Variants in DERA observed in about 807,000 individuals in gnomAD.
DERA encodes the protein 2-deoxy-D-ribose 5-phosphate aldolase.
Under a neutral mutation model 41.1 loss-of-function variants are expected in DERA, and 15 were observed. That is an observed-to-expected ratio of 0.37 (90% CI 0.24 to 0.56). The LOEUF is 0.56. Among genes scored for constraint, DERA ranks in the 20% least tolerant of loss-of-function variants. The probability of loss-of-function intolerance (pLI) is 0.81; values close to 1 mark genes in which losing one functional copy is unlikely to be tolerated. For missense variants in DERA, 396 were observed against 403.4 expected (o/e 0.98, Z 0.16); for synonymous variants, 139 against 137.4 (o/e 1.01, Z -0.08).
At chr12:16,016,203 C>G (rs1054187508) in intron 6 of DERA, among the ~76,000 whole-genome samples, 8 of 152,168 alleles carry the variant, frequency 5.3e-5, no homozygotes, top group African/African-American at 1.9e-4. Flanking sequence ...AACCATAACA[C>G]TGGATCTTTA....
rs1296334820 is a variant in DERA, at chr12:15,940,056, A to G, written c.32-16880A>G. On this transcript the variant is annotated intron_variant, in intron 1 of 8. Coordinates refer to ENST00000428559, the MANE Select transcript of DERA (RefSeq NM_015954.4). This position sits in a 1 kb window ranked among gnomAD's most constrained non-coding sequence, Gnocchi z 5.1. Reference sequence around the variant, plus strand: ...AATAAGAACATATTTTTACCATGATACTACAACAAAATTTGTATCCATGTT... The same window carrying G: ...AATAAGAACATATTTTTACCATGATGCTACAACAAAATTTGTATCCATGTT... Among the ~76,000 whole-genome samples, 1 of 152,234 alleles carries G rather than the reference A, an allele frequency of 6.6e-6. No individual in the cohort carries two copies. The highest frequency in any genetic ancestry group is 2.4e-5 in the African/African-American group (1 of 41,478).
Position 15,961,813 on chromosome 12 carries a change from G to A in DERA, c.374-1000G>A, listed in dbSNP as rs918977709. 3.9e-5 allele frequency among the ~76,000 whole-genome samples: 6 copies of A among 152,070 alleles called. No homozygotes were observed. The South Asian group carries it at 6.2e-4, about 16-fold the overall frequency. On this transcript the variant is annotated intron_variant, in intron 4 of 8. Transcript: ENST00000428559. ...GGCTGGAGTGCAGTGGCGCGATCTC[G>A]GCTCACTGCAGCCTCCGCCTCCTGA...
At chr12:15,939,745 T>C (rs1342794969) in intron 1 of DERA, among the ~76,000 whole-genome samples, 1 of 152,226 alleles carries the variant, frequency 6.6e-6, no homozygotes, top group African/African-American at 2.4e-5. Context: ...AGAATGGCTC[T>C]TAACTCTTCA....
chr12:15,916,129 A>T (rs1948196975), intron 1 of DERA: 1 of 152,228 alleles, frequency 6.6e-6, no homozygotes, highest in African/African-American at 2.4e-5. Context: ...TGTTTCAGAG[A>T]AGATGCAATT....
chr12:15,930,535 GATAA>G (rs1181222163), intron 1 of DERA, among the ~76,000 whole-genome samples: 13 of 152,112 alleles, frequency 8.5e-5, no homozygotes, highest in Admixed American at 7.9e-4. Context: ...GACTATTTTA[GATAA>G]ATAATCATAG....
chr12:16,016,145 A>G (rs944696459), intron 6 of DERA, among the ~76,000 whole-genome samples: 20 of 152,192 alleles, frequency 1.3e-4, no homozygotes, highest in African/African-American at 4.8e-4. Flanking sequence ...TCAAATTGAT[A>G]TCTCTAAAGG....
chr12:15,953,942 T>C (rs75335547), intron 1 of DERA, among the ~76,000 whole-genome samples: 3,191 of 152,244 alleles, frequency 0.021, 122 homozygotes, highest in African/African-American at 0.072. Context: ...ACATTAAATA[T>C]GGGGCTGGAT....
chr12:15,939,506 T>C (rs1948394299), intron 1 of DERA, among the ~76,000 whole-genome samples: 1 of 152,246 alleles, frequency 6.6e-6, no homozygotes, highest in Admixed American at 6.5e-5. Flanking sequence ...ATTTAATTTG[T>C]TCAAATCCAT....
intron 7 of DERA, 68 bp downstream of exon 7, chr12:16,032,722 A>G: frequency 2.1e-6 from 2 of 939,920 alleles, no homozygotes; most frequent in Non-Finnish European, 3.3e-6. Context: ...AGTTACAGCC[A>G]CAATAACTGT....
intron 6 of DERA, among the ~76,000 whole-genome samples, chr12:16,015,691 A>C (rs1408537770): frequency 6.6e-6 from 1 of 152,234 alleles, no homozygotes. Flanking sequence ...GACGGGTTAC[A>C]TCTTGTTGAT....
In DERA at chr12:15,918,343, C is replaced by T. The variant is rs1948216119; in HGVS notation, c.31+6929C>T. On this transcript the variant is annotated intron_variant, in intron 1 of 8. Coordinates refer to ENST00000428559, the MANE Select transcript of DERA (RefSeq NM_015954.4). This position sits in a 1 kb window ranked among gnomAD's most constrained non-coding sequence, Gnocchi z 4.3. Reference sequence around the variant, plus strand: ...CCTCCTTACCCTGCTTGCGCTTCCACTCCCTATGTCTTGCTCCCGCTTTGT... The same window carrying T: ...CCTCCTTACCCTGCTTGCGCTTCCATTCCCTATGTCTTGCTCCCGCTTTGT... Among the ~76,000 whole-genome samples the T allele has an allele frequency of 6.6e-6, 1 of 152,190 alleles. No individual in the cohort carries two copies. Among genetic ancestry groups the T allele is most frequent in the Non-Finnish European group, 1.5e-5 (1 of 68,034 alleles).
chr12:16,018,476 G>A (rs1592052976), intron 6 of DERA, among the ~76,000 whole-genome samples: 1 of 152,112 alleles, frequency 6.6e-6, no homozygotes, highest in African/African-American at 2.4e-5. Context: ...ATTTAGTAAT[G>A]AGTTGCTGAA....
intron 4 of DERA, 158 bp from the exon 5 acceptor site, chr12:15,962,655 T>C: frequency 1.8e-6 from 1 of 552,392 alleles, no homozygotes; most frequent in East Asian, 2.9e-5. Context: ...TGTTCTTAAG[T>C]GTCAGTGCAT....
chr12:15,945,477 A>G (rs993878051), intron 1 of DERA, among the ~76,000 whole-genome samples: 2 of 152,212 alleles, frequency 1.3e-5, no homozygotes, highest in Admixed American at 6.5e-5. Context: ...TAGGTATTTT[A>G]TGCTCTTTGA....
chr12:15,978,741 A>G (rs572890508), intron 5 of DERA, among the ~76,000 whole-genome samples: 1 of 152,172 alleles, frequency 6.6e-6, no homozygotes, highest in African/African-American at 2.4e-5. Flanking sequence ...AACATAGATC[A>G]TGGTGTCCTC....
intron 5 of DERA, among the ~76,000 whole-genome samples, chr12:15,968,118 T>C (rs1423424133): frequency 1.3e-5 from 2 of 151,918 alleles, no homozygotes; most frequent in Non-Finnish European, 2.9e-5. Flanking sequence ...TTCCAGTTCT[T>C]AGTTGCATAT....
intron 5 of DERA, among the ~76,000 whole-genome samples, chr12:15,968,809 C>T (rs1026145867): frequency 6.6e-6 from 1 of 152,210 alleles, no homozygotes; most frequent in African/African-American, 2.4e-5. Flanking sequence ...CTCTTTCTCC[C>T]TCCTCCTGCC....
In DERA at chr12:16,000,410, G is replaced by A. The variant is rs1278535461; in HGVS notation, c.637+17974G>A. On this transcript the variant is annotated intron_variant, in intron 6 of 8. Coordinates refer to ENST00000428559, the MANE Select transcript of DERA (RefSeq NM_015954.4). The surrounding 1 kb of genome is among the most constrained non-coding windows in gnomAD (Gnocchi z 4.8). Reference sequence around the variant, plus strand: ...AGAAAACATTAGCAAGATAACACATGTAAATCAAAATGCAGAACTAATACA... The same window carrying A: ...AGAAAACATTAGCAAGATAACACATATAAATCAAAATGCAGAACTAATACA... 1.3e-5 allele frequency among the ~76,000 whole-genome samples: 2 copies of A among 152,206 alleles called. No homozygotes were observed. Among genetic ancestry groups the A allele is most frequent in the African/African-American group, 4.8e-5 (2 of 41,450 alleles).
chr12:15,951,173 G>T (rs1948494980), intron 1 of DERA, among the ~76,000 whole-genome samples: 1 of 152,204 alleles, frequency 6.6e-6, no homozygotes, highest in African/African-American at 2.4e-5. Context: ...CCTGCCCATG[G>T]GTAGGAGCAC....
Sources: gnomAD v4.1 joint callset for allele counts (sites outside exome capture counted in the v4.1 genomes callset) on GRCh38, gnomAD v4.1.1 for gene constraint, Gnocchi (gnomAD v3.1) non-coding constraint, MANE v1.5 for transcripts, NCBI Gene and HGNC (gene_info 2026-07-23, HGNC 2026-07-21) for gene names.